The following CAPN6 variants were observed in gnomAD, a reference collection of about 807,000 sequenced individuals.
CAPN6 encodes the protein calpain-6.
CAPN6 carries 16 observed loss-of-function variants against 46.0 expected under a neutral mutation model. The observed-to-expected ratio is 0.35, with a 90% CI of 0.24 to 0.53. The LOEUF (loss-of-function observed/expected upper bound fraction) is 0.53, where lower values mean the gene tolerates loss of function less well. Among genes scored for constraint, CAPN6 ranks in the 20% least tolerant of loss-of-function variants. The probability of loss-of-function intolerance (pLI) is 0.94; values close to 1 mark genes in which losing one functional copy is unlikely to be tolerated. For synonymous variants in CAPN6, 206 were observed against 172.8 expected, an observed-to-expected ratio of 1.19 and a Z score of -1.51; for missense variants, 461 against 498.0, an observed-to-expected ratio of 0.93 and a Z score of 0.71.
At chrX:111,265,466 T>A (rs17879070) in intron 1 of CAPN6, among the ~76,000 whole-genome samples, 5,327 of 112,127 alleles carry the variant, frequency 0.048, 187 homozygotes, top group African/African-American at 0.11. Context: ...CTGATGTCCC[T>A]TTTTTCATCA....
chrX:111,251,374 G>A (rs1466142764), intron 6 of CAPN6, 88 bp from the exon 7 acceptor site: 14 of 990,306 alleles, frequency 1.4e-5, no homozygotes, highest in African/African-American at 3.8e-5. Context: ...GAGAAACAGA[G>A]TGCATGAGGA....
intron 2 of CAPN6, 56 bp downstream of exon 2, chrX:111,263,716 C>A: frequency 9.6e-7 from 1 of 1,044,053 alleles, no homozygotes; most frequent in Non-Finnish European, 1.3e-6. Context: ...CAGTGGATCA[C>A]GTAGAAGTAT....
chrX:111,258,357 C>T (rs982039028), intron 2 of CAPN6, among the ~76,000 whole-genome samples: 1 of 111,791 alleles, frequency 8.9e-6, no homozygotes, highest in African/African-American at 3.3e-5. Context: ...GTGTGGACAC[C>T]TACAAGTGAG....
chrX:111,257,353 A>G (rs1016488200), intron 2 of CAPN6, among the ~76,000 whole-genome samples: 1 of 112,154 alleles, frequency 8.9e-6, no homozygotes, highest in Non-Finnish European at 1.9e-5. Context: ...TGGTTCCAGG[A>G]TGAATATCAC....
At chrX:111,248,821 T>C (rs748694358) in intron 9 of CAPN6, 50 bp from the exon 10 acceptor site, 2 of 1,187,403 alleles carry the variant, frequency 1.7e-6, no homozygotes, top group South Asian at 3.5e-5. Flanking sequence ...ATCATGGTTT[T>C]TGTATGCTCT....
At chrX:111,254,159 T>C in intron 3 of CAPN6, 113 bp downstream of exon 3, 2 of 929,162 alleles carry the variant, frequency 2.2e-6, no homozygotes, top group Non-Finnish European at 2.9e-6. Context: ...TTAATATCTC[T>C]GCTTTCAAGA....
At chrX:111,258,483 T>G (rs2094985535) in intron 2 of CAPN6, among the ~76,000 whole-genome samples, 1 of 111,610 alleles carries the variant, frequency 9.0e-6, no homozygotes, top group Admixed American at 9.5e-5. Flanking sequence ...TGTGAGCTAG[T>G]CCAAGTAGTC....
chrX:111,267,876 A>G (rs969471291), intron 1 of CAPN6, among the ~76,000 whole-genome samples: 1 of 112,259 alleles, frequency 8.9e-6, no homozygotes, highest in Non-Finnish European at 1.9e-5. Flanking sequence ...CCCTGGCATG[A>G]AGTAGGCACC....
At chrX:111,257,401 A>T (rs1329561627) in intron 2 of CAPN6, among the ~76,000 whole-genome samples, 1 of 112,355 alleles carries the variant, frequency 8.9e-6, no homozygotes, top group African/African-American at 3.2e-5. Context: ...TTCAATAAAT[A>T]TGAATCAATC....
At position 111,247,480 on chromosome X, in the gene CAPN6, T is replaced by A. The variant is rs771957855; in HGVS notation, c.1631A>T (p.Lys544Ile). 2 of 1,205,045 alleles carry A rather than the reference T, an allele frequency of 1.7e-6. No homozygotes were observed. Among genetic ancestry groups the A allele is most frequent in the Non-Finnish European group, 2.2e-6 (2 of 893,451 alleles). ...NETVNPYLVIKCGKEEVRSPV... is the reference protein window; with the variant it reads ...NETVNPYLVIICGKEEVRSPV... Reference sequence around the variant, plus strand: ...AGAACGGACTTCCTCCTTTCCACATTTGATGACCAAATATGGGTTTACAGC... The same window carrying A: ...AGAACGGACTTCCTCCTTTCCACATATGATGACCAAATATGGGTTTACAGC... Residue 544 changes from lysine (K) to isoleucine (I), a missense_variant, in exon 12 of 13, where the codon AAA becomes ATA. By Grantham distance (102) the Lys-to-Ile change is moderately radical. Coordinates refer to ENST00000324068, the MANE Select transcript of CAPN6 (RefSeq NM_014289.4).
At chrX:111,248,891 C>T (rs1426455429) in intron 9 of CAPN6, 44 bp downstream of exon 9, 2 of 1,207,520 alleles carry the variant, frequency 1.7e-6, no homozygotes, top group South Asian at 1.8e-5. Context: ...CTAATTTTTA[C>T]TCTGTTTGCC....
chrX:111,263,672 A>G, intron 2 of CAPN6, 100 bp downstream of exon 2: 1 of 606,688 alleles, frequency 1.6e-6, no homozygotes, highest in Admixed American at 4.1e-5. Context: ...GTTAACTTCT[A>G]AATTGGTCTA....
At chrX:111,250,819 G>A in intron 8 of CAPN6, 98 bp downstream of exon 8, 1 of 801,230 alleles carries the variant, frequency 1.2e-6, no homozygotes. Context: ...GCAAAAGGAA[G>A]ATTTGATGCT....
chrX:111,246,324 C>T lies in CAPN6; in HGVS notation c.*253G>A, dbSNP rs1375744567. On this transcript the variant is annotated 3_prime_UTR_variant, in exon 13 of 13. Coordinates refer to ENST00000324068, the MANE Select transcript of CAPN6 (RefSeq NM_014289.4). ...TCTCACCCCCGGAAGCCCCAGAGATCCTTTCTTGGCAAATGTGTATGATGT... is the reference window on the plus strand; with the variant it reads ...TCTCACCCCCGGAAGCCCCAGAGATTCTTTCTTGGCAAATGTGTATGATGT... The T allele has an allele frequency of 8.5e-6, 3 of 351,328 alleles. No individual in the cohort carries two copies. Among genetic ancestry groups the T allele is most frequent in the Non-Finnish European group, 9.8e-6 (2 of 203,562 alleles). 29.0% of individuals were successfully genotyped at this position (351,328 alleles called of 1,213,427 possible).
intron 4 of CAPN6, 96 bp from the exon 5 acceptor site, chrX:111,252,595 T>C: frequency 1.5e-6 from 1 of 662,436 alleles, no homozygotes; most frequent in Non-Finnish European, 2.2e-6. Context: ...GCCTAGACTT[T>C]ACCAGATGGC....
At chrX:111,265,863 A>T (rs768745562) in intron 1 of CAPN6, among the ~76,000 whole-genome samples, 4 of 111,642 alleles carry the variant, frequency 3.6e-5, no homozygotes, top group Non-Finnish European at 7.5e-5. Flanking sequence ...GGCAGGCAAG[A>T]TCCTGCAAAA....
intron 1 of CAPN6, among the ~76,000 whole-genome samples, chrX:111,265,651 T>G (rs1484748918): frequency 1.8e-5 from 2 of 112,213 alleles, no homozygotes; most frequent in East Asian, 5.6e-4. Flanking sequence ...GTGCTCAAAC[T>G]TACAACAAAC....
At position 111,251,647 on chromosome X, in the gene CAPN6, T is replaced by C; in HGVS notation, c.795A>G (p.Gly265=). The C allele has an allele frequency of 8.3e-7, 1 of 1,209,651 alleles. No homozygotes were observed. Among genetic ancestry groups the C allele is most frequent in the Non-Finnish European group, 1.1e-6 (1 of 893,531 alleles). The stretch of plus-strand genomic sequence containing the variant: ...CACTGAAGACTTCCACAAGTCTCTC[T>C]CCAAGACGAATTTTGCGAATATCAG... ...TMTDIRKIRL[G]ERLVEVFSAE... The change falls in exon 6 of 13, where the codon GGA becomes GGG. Residue 265 remains glycine (G), a synonymous_variant. Coordinates refer to ENST00000324068, the MANE Select transcript of CAPN6 (RefSeq NM_014289.4).
intron 12 of CAPN6, 32 bp downstream of exon 12, chrX:111,247,336 G>C (rs774337100): frequency 8.7e-7 from 1 of 1,148,213 alleles, no homozygotes; most frequent in African/African-American, 1.8e-5. Flanking sequence ...CAAAGTATGA[G>C]CCTTTCTGGC....
Sources: allele counts gnomAD v4.1 joint callset (sites outside exome capture counted in the v4.1 genomes callset), GRCh38; gene constraint gnomAD v4.1.1; transcripts MANE v1.5; gene names NCBI Gene and HGNC (gene_info 2026-07-23, HGNC 2026-07-21).